Variants in ITPR1 observed in about 807,000 individuals in gnomAD.
ITPR1 encodes inositol 1,4,5-trisphosphate receptor type 1.
ITPR1 carries 96 observed loss-of-function variants against 318.4 expected under a neutral mutation model. The observed-to-expected ratio is 0.30, with a 90% CI of 0.26 to 0.36. ITPR1 has a LOEUF of 0.36. Among genes scored for constraint, ITPR1 ranks in the 10% least tolerant of loss-of-function variants. The pLI, the probability that ITPR1 is intolerant of heterozygous loss-of-function variation, is 1.00. For synonymous variants in ITPR1, 1,312 were observed against 1,289.9 expected, an observed-to-expected ratio of 1.02 and a Z score of -0.37; for missense variants, 2,440 against 3,460.2, an observed-to-expected ratio of 0.71 and a Z score of 7.40.
intron 4 of ITPR1, among the ~76,000 whole-genome samples, chr3:4,547,053 G>T (rs901985255): frequency 4.6e-5 from 7 of 152,136 alleles, no homozygotes; most frequent in African/African-American, 1.4e-4. Context: ...GCATGAACAC[G>T]TTGGACTAGA....
At chr3:4,628,033 G>T (rs2307066) in intron 5 of ITPR1, among the ~76,000 whole-genome samples, 155 bp downstream of exon 5, 1 of 152,092 alleles carries the variant, frequency 6.6e-6, no homozygotes, top group Non-Finnish European at 1.5e-5. Flanking sequence ...GGAACCGACC[G>T]TAGAGAGGGA....
rs2049176577 is a variant in ITPR1, at chr3:4,814,715, T to C, written c.7701+153T>C. ...GCGGAACTAGCTCATCAGGCTCCTT[T>C]CCTCTCTATCACGTGAGGTGGTGCC... is the stretch of plus-strand genomic sequence containing the variant. On this transcript the variant is annotated intron_variant, in intron 58 of 61. Transcript: ENST00000649015. 10 of 716,362 alleles carry C rather than the reference T, an allele frequency of 1.4e-5. No individual in the cohort carries two copies. The South Asian group carries it at 1.9e-4, about 14-fold the overall frequency. The allele number at this position is 716,362 out of a possible 1,614,324, so 44.4% of individuals were successfully genotyped here.
intron 12 of ITPR1, among the ~76,000 whole-genome samples, chr3:4,655,339 G>A (rs576043161): frequency 7.9e-5 from 12 of 152,200 alleles, no homozygotes; most frequent in Non-Finnish European, 1.8e-4. Context: ...GTGCTCTGGC[G>A]GGTAGAGGGC....
intron 44 of ITPR1, among the ~76,000 whole-genome samples, chr3:4,758,499 G>T (rs1246256414): frequency 6.6e-6 from 1 of 152,214 alleles, no homozygotes; most frequent in Non-Finnish European, 1.5e-5. Context: ...TCACATTCCA[G>T]GGAGCACCAT....
At chr3:4,760,647 G>C (rs939311010) in intron 44 of ITPR1, among the ~76,000 whole-genome samples, 1 of 152,144 alleles carries the variant, frequency 6.6e-6, no homozygotes, top group Non-Finnish European at 1.5e-5. Flanking sequence ...GCAGGCCAGC[G>C]CTCCTTTCTG....
intron 4 of ITPR1, among the ~76,000 whole-genome samples, chr3:4,582,652 A>G (rs1161446691): frequency 6.6e-6 from 1 of 152,230 alleles, no homozygotes; most frequent in African/African-American, 2.4e-5. Context: ...CTAGCAATTG[A>G]CTGGACAACG....
At position 4,521,542 on chromosome 3, in the gene ITPR1, G is replaced by A. The variant is rs1229800559; in HGVS notation, c.163+448G>A. 4.6e-5 allele frequency among the ~76,000 whole-genome samples: 7 copies of A among 152,240 alleles called. No individual in the cohort carries two copies. In the East Asian group the frequency reaches 1.3e-3, roughly 29 times the overall value. On this transcript the variant is annotated intron_variant, in intron 4 of 61. Transcript: ENST00000649015. The stretch of plus-strand genomic sequence containing the variant: ...TGAAACGTTCTTAATTATTGCACTT[G>A]TTTTTTGAGTTAAAAGACATAGGCA...
intron 60 of ITPR1, among the ~76,000 whole-genome samples, chr3:4,835,385 G>A (rs1012178514): frequency 1.5e-4 from 23 of 152,154 alleles, no homozygotes; most frequent in African/African-American, 5.1e-4. Flanking sequence ...TGTAAATAAA[G>A]TTTTATTGGA....
chr3:4,702,729 G>A (rs1421064659), intron 35 of ITPR1, 101 bp from the exon 36 acceptor site: 1 of 1,259,888 alleles, frequency 7.9e-7, no homozygotes, highest in Non-Finnish European at 1.1e-6. Context: ...CTCTGATCTG[G>A]GGTCCAGTGG....
intron 4 of ITPR1, among the ~76,000 whole-genome samples, chr3:4,622,048 C>T (rs1431006508): frequency 2.0e-5 from 3 of 150,970 alleles, no homozygotes; most frequent in African/African-American, 7.3e-5. Flanking sequence ...TGGTAACAGA[C>T]TTGTGCAACT....
intron 4 of ITPR1, among the ~76,000 whole-genome samples, chr3:4,584,869 G>C (rs1195465177): frequency 4.6e-5 from 7 of 152,202 alleles, no homozygotes; most frequent in Non-Finnish European, 1.0e-4. Flanking sequence ...AGCAAATGAA[G>C]AGACAAAATG....
rs1053898054 is a variant in ITPR1, at chr3:4,660,869, G to A, written c.1152-119G>A. 3 of 520,668 alleles carry A rather than the reference G, an allele frequency of 5.8e-6. No individual in the cohort carries two copies. The South Asian group carries it at 1.0e-4, about 18-fold the overall frequency. 32.3% of individuals were successfully genotyped at this position (520,668 alleles called of 1,614,324 possible). Reference sequence around the variant, plus strand: ...TTTGCCCCTTCGTGTATACTGCCCAGTGTATGCAGTAGGAAACCACTTTGC... The same window carrying A: ...TTTGCCCCTTCGTGTATACTGCCCAATGTATGCAGTAGGAAACCACTTTGC... On this transcript the variant is annotated intron_variant, in intron 13 of 61. Transcript: ENST00000649015.
intron 45 of ITPR1, among the ~76,000 whole-genome samples, chr3:4,767,656 C>A (rs566913901): frequency 6.6e-6 from 1 of 152,240 alleles, no homozygotes; most frequent in Non-Finnish European, 1.5e-5. Flanking sequence ...GTAGCTGGGA[C>A]TGCAAGTATG....
At chr3:4,667,134 C>T (rs148941044) in intron 17 of ITPR1, among the ~76,000 whole-genome samples, 42 of 152,306 alleles carry the variant, frequency 2.8e-4, no homozygotes, top group African/African-American at 6.3e-4. Flanking sequence ...AAAATATCCA[C>T]GTGTAAATAC....
intron 10 of ITPR1, among the ~76,000 whole-genome samples, chr3:4,648,023 A>G (rs1029484228): frequency 6.6e-6 from 1 of 152,152 alleles, no homozygotes; most frequent in African/African-American, 2.4e-5. Flanking sequence ...GTGGTGGCAC[A>G]TGCCTGTAAT....
At chr3:4,804,047 A>G (rs539589092) in intron 54 of ITPR1, among the ~76,000 whole-genome samples, 3 of 152,112 alleles carry the variant, frequency 2.0e-5, no homozygotes, top group East Asian at 1.9e-4. Context: ...AATTTTTTGT[A>G]TTTTAGTAGA....
At chr3:4,531,091 G>T (rs1196496106) in intron 4 of ITPR1, among the ~76,000 whole-genome samples, 1 of 152,074 alleles carries the variant, frequency 6.6e-6, no homozygotes, top group Non-Finnish European at 1.5e-5. Context: ...TTACAGTTGG[G>T]CACCCTGAAC....
intron 4 of ITPR1, among the ~76,000 whole-genome samples, chr3:4,543,317 G>A (rs963848589): frequency 6.6e-6 from 1 of 152,068 alleles, no homozygotes; most frequent in Non-Finnish European, 1.5e-5. Context: ...GAACTTTGTG[G>A]TTGAGTTTGG....
chr3:4,549,078 A>C (rs188512048), intron 4 of ITPR1, among the ~76,000 whole-genome samples: 3 of 152,354 alleles, frequency 2.0e-5, no homozygotes, highest in Non-Finnish European at 2.9e-5. Flanking sequence ...AAAGAACTTA[A>C]GCCCTCTCCA....
Sources: gnomAD v4.1 joint callset for allele counts (sites outside exome capture counted in the v4.1 genomes callset) on GRCh38, gnomAD v4.1.1 for gene constraint, MANE v1.5 for transcripts, NCBI Gene and HGNC (gene_info 2026-07-23, HGNC 2026-07-21) for gene names.